Variants in TNFRSF10C observed in about 807,000 individuals in gnomAD.
TNFRSF10C encodes the protein TNF receptor superfamily member 10c.
In TNFRSF10C, 17 loss-of-function variants were observed where a neutral mutation model predicts 16.7. The ratio of observed to expected loss-of-function variants is 1.02; its 90% CI spans 0.70 to 1.53. The LOEUF is 1.53. Among genes scored for constraint, TNFRSF10C ranks in the 40% most tolerant of loss-of-function variants. TNFRSF10C has a pLI of 0.00. For missense variants in TNFRSF10C, 237 were observed against 329.7 expected (o/e 0.72, Z 2.18); for synonymous variants, 73 against 119.7 (o/e 0.61, Z 2.55).
intron 1 of TNFRSF10C, among the ~76,000 whole-genome samples, chr8:23,105,311 T>A (rs1813755958): frequency 6.6e-6 from 1 of 152,110 alleles, no homozygotes; most frequent in African/African-American, 2.4e-5. Context: ...GGAGGACAAA[T>A]CACATCCTCA....
At chr8:23,103,278 C>T in intron 1 of TNFRSF10C, 97 bp downstream of exon 1, 1 of 1,540,876 alleles carries the variant, frequency 6.5e-7, no homozygotes, top group East Asian at 2.4e-5. Flanking sequence ...TGGCCCTGGT[C>T]ACCTGCGGCC....
intron 1 of TNFRSF10C, chr8:23,103,576 G>T: frequency 4.5e-6 from 1 of 223,976 alleles, no homozygotes; most frequent in African/African-American, 2.3e-5. Context: ...CTTGGAGATC[G>T]GTTTAACCAA....
chr8:23,105,075 C>A (rs1015201990), intron 1 of TNFRSF10C, among the ~76,000 whole-genome samples: 2 of 152,178 alleles, frequency 1.3e-5, no homozygotes, highest in Non-Finnish European at 2.9e-5. Flanking sequence ...CACCATTCCT[C>A]TCTCTATCAA....
chr8:23,113,771 A>G (rs1813925249), intron 2 of TNFRSF10C, among the ~76,000 whole-genome samples: 1 of 152,128 alleles, frequency 6.6e-6, no homozygotes, highest in Non-Finnish European at 1.5e-5. Context: ...GCTTAAGATC[A>G]CTTTGGCTAT....
intron 1 of TNFRSF10C, chr8:23,103,428 TC>T: frequency 1.5e-6 from 1 of 655,190 alleles, no homozygotes; most frequent in Non-Finnish European, 2.6e-6. Context: ...GGAGGGAAGT[TC>T]CAGAATCGAG....
intron 1 of TNFRSF10C, among the ~76,000 whole-genome samples, chr8:23,108,531 G>A (rs539190617): frequency 5.9e-5 from 9 of 152,286 alleles, no homozygotes; most frequent in African/African-American, 2.2e-4. Context: ...TGCCTACTGT[G>A]ACAATTTTAG....
rs770782171 is a variant in TNFRSF10C, at chr8:23,115,531, A to G, written c.304A>G (p.Thr102Ala). ...KSDQKHKSSCTMTRDTVCQCK... is the reference protein window; with the variant it reads ...KSDQKHKSSCAMTRDTVCQCK... ...AGATCAAAAACATAAAAGTTCCTGC[A>G]CCATGACCAGAGACACAGTGTGTCA... The change falls in exon 4 of 5, where the codon ACC becomes GCC. Residue 102 changes from threonine to alanine, a missense_variant. By Grantham distance (58) the Thr-to-Ala change is moderately conservative. This residue lies in a region of TNFRSF10C where 212 missense variants were observed against 196.8 expected (regional missense o/e 1.08). Coordinates refer to ENST00000356864, the MANE Select transcript of TNFRSF10C (RefSeq NM_003841.5). 2 of 1,613,314 alleles carry G rather than the reference A, an allele frequency of 1.2e-6. No individual in the cohort carries two copies. The highest frequency in any genetic ancestry group is 3.3e-5 in the Admixed American group (2 of 59,912).
In TNFRSF10C at chr8:23,117,124, C is replaced by T. The variant is rs1003038896; in HGVS notation, c.*93C>T. On this transcript the variant is annotated 3_prime_UTR_variant, in exon 5 of 5. Transcript: ENST00000356864. ...GGGGCGCTGGACACTCTCTGCCCTGCCTCCCTCTGCTGTGTTCCCACAGAC... is the reference window on the plus strand; with the variant it reads ...GGGGCGCTGGACACTCTCTGCCCTGTCTCCCTCTGCTGTGTTCCCACAGAC... The T allele has an allele frequency of 1.4e-5, 22 of 1,529,164 alleles. No individual in the cohort carries two copies. The African/African-American group carries it at 2.3e-4, about 16-fold the overall frequency. The allele number at this position is 1,529,164 out of a possible 1,614,324, so 94.7% of individuals were successfully genotyped here. A position where few individuals can be genotyped will look rare whatever the true frequency, so the allele number is the denominator to read the frequency against.
intron 4 of TNFRSF10C, among the ~76,000 whole-genome samples, chr8:23,116,231 T>C (rs965166466): frequency 2.0e-5 from 3 of 152,324 alleles, no homozygotes; most frequent in African/African-American, 4.8e-5. Flanking sequence ...GGCCCCCTAA[T>C]GTTTGCCGTG....
chr8:23,113,454 C>A (rs1330593041), intron 2 of TNFRSF10C, among the ~76,000 whole-genome samples: 1 of 151,574 alleles, frequency 6.6e-6, no homozygotes, highest in Non-Finnish European at 1.5e-5. Context: ...ATCTTTAGTC[C>A]ATTTTGAATT....
intron 1 of TNFRSF10C, among the ~76,000 whole-genome samples, chr8:23,108,933 T>C (rs11135698): frequency 6.6e-6 from 1 of 152,006 alleles, no homozygotes; most frequent in Non-Finnish European, 1.5e-5. Context: ...AGTAACAATA[T>C]CCACAGAGAA....
intron 1 of TNFRSF10C, among the ~76,000 whole-genome samples, chr8:23,111,240 T>G (rs1813872178): frequency 6.6e-6 from 1 of 151,722 alleles, no homozygotes; most frequent in Non-Finnish European, 1.5e-5. Flanking sequence ...TTATTTGAGA[T>G]GGAGTCTCGC....
intron 1 of TNFRSF10C, among the ~76,000 whole-genome samples, chr8:23,104,175 T>C (rs1053034297): frequency 6.6e-6 from 1 of 152,186 alleles, no homozygotes; most frequent in Non-Finnish European, 1.5e-5. Flanking sequence ...GGATGACCAG[T>C]GTAGACAAGG....
Position 23,114,622 on chromosome 8 carries a change from G to T in TNFRSF10C, c.167-35G>T, listed in dbSNP as rs539932508. Reference sequence around the variant, plus strand: ...ACTGTCAGCCTCTGGGAATTCTGTGGTGACTCATTCATTGGCTTTTCTCTT... The same window carrying T: ...ACTGTCAGCCTCTGGGAATTCTGTGTTGACTCATTCATTGGCTTTTCTCTT... On this transcript the variant is annotated intron_variant, in intron 2 of 4. Transcript: ENST00000356864. 7.7e-6 allele frequency: 12 copies of T among 1,553,910 alleles called. No individual in the cohort carries two copies. The East Asian group carries it at 2.0e-4, about 26-fold the overall frequency.
chr8:23,103,179 C>G lies in TNFRSF10C; in HGVS notation c.58C>G (p.Pro20Ala). 2 of 1,610,194 alleles carry G rather than the reference C, an allele frequency of 1.2e-6. No individual in the cohort carries two copies. Among genetic ancestry groups the G allele is most frequent in the Non-Finnish European group, 1.7e-6 (2 of 1,178,584 alleles). Residue 20 changes from proline to alanine, a missense_variant and splice_region_variant, in exon 1 of 5, where the codon CCA becomes GCA. Coordinates refer to ENST00000356864, the MANE Select transcript of TNFRSF10C (RefSeq NM_003841.5). ...FVVVIVAVLL[P>A]VLAYSATTAR... ...CGTCGTCATCGTCGCGGTCCTGCTG[C>G]CAGTGAGTCCCGGCCGCGGTCCCTG...
At chr8:23,105,132 G>A (rs1360320877) in intron 1 of TNFRSF10C, among the ~76,000 whole-genome samples, 5 of 152,208 alleles carry the variant, frequency 3.3e-5, no homozygotes, top group African/African-American at 4.8e-5. Context: ...GGACTCTCAG[G>A]CTGTCAAGGA....
chr8:23,116,504 G>A lies in TNFRSF10C; in HGVS notation c.390-137G>A, dbSNP rs1813985842. On this transcript the variant is annotated intron_variant, in intron 4 of 4. Transcript: ENST00000356864. ...CCCAGCCTCAACGAGGGAACTTGGG[G>A]GACCCCCTCCAGACAGGAGCCTGTC... The A allele has an allele frequency of 5.6e-6, 7 of 1,254,076 alleles. No individual in the cohort carries two copies. The South Asian group carries it at 9.1e-5, about 16-fold the overall frequency. 77.7% of individuals were successfully genotyped at this position (1,254,076 alleles called of 1,614,324 possible). A position where few individuals can be genotyped will look rare whatever the true frequency, so the allele number is the denominator to read the frequency against.
rs1450292000 is a variant in TNFRSF10C at position 23,103,011 on chromosome 8, G to A, written c.-111G>A. ...GGGAGTTTGACCAGAGATGCAAGGG[G>A]TGAAGGAGCGCTTCCTACCGTTAGG... On this transcript the variant is annotated 5_prime_UTR_variant, in exon 1 of 5. In the 5' UTR this introduces an upstream ATG that the reference lacks. Transcript: ENST00000356864. 4.5e-6 allele frequency: 7 copies of A among 1,551,430 alleles called. No individual in the cohort carries two copies. The Admixed American group carries it at 5.9e-5, about 13-fold the overall frequency.
At position 23,111,748 on chromosome 8, in the gene TNFRSF10C, G is replaced by A. The variant is rs551651079; in HGVS notation, c.89G>A (p.Arg30Gln). 22 of 1,613,682 alleles carry A rather than the reference G, an allele frequency of 1.4e-5. No individual in the cohort carries two copies. The highest frequency in any genetic ancestry group is 1.1e-4 in the East Asian group (5 of 44,888). Residue 30 changes from arginine (R) to glutamine (Q), a missense_variant, in exon 2 of 5, where the codon CGG (arginine) becomes CAG (glutamine). Coordinates refer to ENST00000356864, the MANE Select transcript of TNFRSF10C (RefSeq NM_003841.5). ...PVLAYSATTA[R>Q]QEEVPQQTVA... is the part of the protein sequence containing the mutation. ...CTAGCTTACTCTGCCACCACTGCCC[G>A]GCAGGAGGAAGTTCCCCAGCAGACA...
Sources: gnomAD v4.1 joint callset for allele counts (sites outside exome capture counted in the v4.1 genomes callset) on GRCh38, gnomAD v4.1.1 for gene constraint, gnomAD v4.1.1 regional missense constraint, MANE v1.5 for transcripts, NCBI Gene and HGNC (gene_info 2026-07-23, HGNC 2026-07-21) for gene names.